TMEM9: variants seen among roughly 807,000 people sequenced by gnomAD.
The protein encoded by TMEM9 is proton-transporting V-type ATPase complex assembly regulator TMEM9.
In TMEM9, 13 loss-of-function variants were observed where a neutral mutation model predicts 22.8. The ratio of observed to expected loss-of-function variants is 0.57; its 90% confidence interval spans 0.37 to 0.91. TMEM9 has a LOEUF of 0.91. Among genes scored for constraint, TMEM9 ranks in the 40% least tolerant of loss-of-function variants. The probability of loss-of-function intolerance (pLI) is 0.01; values close to 1 mark genes in which losing one functional copy is unlikely to be tolerated. For synonymous variants in TMEM9, 88 were observed against 93.0 expected (o/e 0.95, Z 0.31); for missense variants, 182 against 238.1 (o/e 0.76, Z 1.55).
At chr1:201,147,943 C>T (rs1665115047) in intron 2 of TMEM9, among the ~76,000 whole-genome samples, 1 of 152,214 alleles carries the variant, frequency 6.6e-6, no homozygotes, top group African/African-American at 2.4e-5. Flanking sequence ...TCCCCCCAAC[C>T]CCCCGCCAAT....
chr1:201,157,499 G>T (rs937945972), upstream of TMEM9, among the ~76,000 whole-genome samples: 4 of 152,196 alleles, frequency 2.6e-5, no homozygotes, highest in Non-Finnish European at 5.9e-5. Flanking sequence ...GAAAAGAAAT[G>T]ATTTCTAGGG....
Position 201,151,808 on chromosome 1 carries a change from T to C in TMEM9, c.111A>G (p.Arg37=). 1 of 1,613,962 alleles carries C rather than the reference T, an allele frequency of 6.2e-7. No homozygotes were observed. The highest frequency in any genetic ancestry group is 8.5e-7 in the Non-Finnish European group (1 of 1,180,028). ...IRCKCICPPY[R]NISGHIYNQN... ...GGTTGTAAATGTGCCCACTGATGTTTCTATAAGGTGGACAGATGCATTTGC... is the reference window on the plus strand; with the variant it reads ...GGTTGTAAATGTGCCCACTGATGTTCCTATAAGGTGGACAGATGCATTTGC... Residue 37 remains arginine (R), a synonymous_variant, in exon 2 of 5, where the codon AGA becomes AGG. Transcript: ENST00000367330.
At chr1:201,168,757 G>C (rs1382533356) in intron 1 of TMEM9, among the ~76,000 whole-genome samples, 1 of 151,108 alleles carries the variant, frequency 6.6e-6, no homozygotes, top group East Asian at 1.9e-4. Context: ...TTGTGTCCTG[G>C]TAAACAATCC....
chr1:201,161,189 A>G (rs759474712), intron 1 of TMEM9, among the ~76,000 whole-genome samples: 11 of 152,204 alleles, frequency 7.2e-5, no homozygotes, highest in Non-Finnish European at 1.3e-4. Flanking sequence ...AATAGAAAAC[A>G]GGTGCATTTT....
chr1:201,137,283 C>T (rs1218824823), intron 4 of TMEM9, among the ~76,000 whole-genome samples: 3 of 152,190 alleles, frequency 2.0e-5, no homozygotes, highest in African/African-American at 4.8e-5. Flanking sequence ...CCTAGGCTCG[C>T]GTCCCAGGTG....
At chr1:201,139,922 T>G (rs905993908) in intron 4 of TMEM9, among the ~76,000 whole-genome samples, 4 of 152,228 alleles carry the variant, frequency 2.6e-5, no homozygotes, top group Non-Finnish European at 4.4e-5. Flanking sequence ...GCTGCCCCAC[T>G]GGAGGCTCTA....
chr1:201,148,387 C>T (rs1325508291), intron 2 of TMEM9, among the ~76,000 whole-genome samples: 1 of 152,072 alleles, frequency 6.6e-6, no homozygotes, highest in Non-Finnish European at 1.5e-5. Context: ...ACCACACTGA[C>T]AAAGCAAAAA....
At chr1:201,136,392 A>T (rs1421376312) in intron 4 of TMEM9, among the ~76,000 whole-genome samples, 1 of 152,150 alleles carries the variant, frequency 6.6e-6, no homozygotes, top group Non-Finnish European at 1.5e-5. Context: ...AGATGGCAAC[A>T]CATCTGCTCC....
rs924359491 is a variant in TMEM9, at chr1:201,153,716, G to A, written c.66+142C>T. The A allele has an allele frequency of 2.6e-6, 4 of 1,548,242 alleles. No individual in the cohort carries two copies. In the East Asian group the frequency reaches 7.3e-5, roughly 28 times the overall value. ...GGAGGCCAGCAGCCTTGAACCTGAAGGAAGACCACTAAAAGAAGTATGGCC... is the reference window on the plus strand; with the variant it reads ...GGAGGCCAGCAGCCTTGAACCTGAAAGAAGACCACTAAAAGAAGTATGGCC... On this transcript the variant is annotated intron_variant, in intron 1 of 4. Transcript: ENST00000367330.
At chr1:201,151,296 C>T (rs1311375799) in intron 2 of TMEM9, among the ~76,000 whole-genome samples, 1 of 152,202 alleles carries the variant, frequency 6.6e-6, no homozygotes, top group Non-Finnish European at 1.5e-5. Context: ...ATGAATTCAA[C>T]ACTCTAAATT....
At chr1:201,165,692 C>A (rs1385689260) in intron 1 of TMEM9, among the ~76,000 whole-genome samples, 1 of 152,188 alleles carries the variant, frequency 6.6e-6, no homozygotes, top group Non-Finnish European at 1.5e-5. Context: ...AGCTCGGCCT[C>A]CCAAAGTGCT....
At chr1:201,164,306 G>A (rs1666019404) in intron 1 of TMEM9, among the ~76,000 whole-genome samples, 3 of 152,128 alleles carry the variant, frequency 2.0e-5, no homozygotes, top group East Asian at 1.9e-4. Flanking sequence ...TCTTGATTAT[G>A]GAAACGTTAA....
In TMEM9 at chr1:201,151,778, A is replaced by G. The variant is rs1207710757; in HGVS notation, c.141T>C (p.Asn47=). The part of the protein sequence containing the change: ...RNISGHIYNQ[N]VSQKDCNCLH... Reference sequence around the variant, plus strand: ...TGCCTTACCAGTCCTTCTGGGATACATTCTGGTTGTAAATGTGCCCACTGA... The same window carrying G: ...TGCCTTACCAGTCCTTCTGGGATACGTTCTGGTTGTAAATGTGCCCACTGA... Residue 47 remains asparagine, a synonymous_variant, in exon 2 of 5, where the codon AAT becomes AAC. Coordinates refer to ENST00000367330, the MANE Select transcript of TMEM9 (RefSeq NM_001288565.2). 1 of 1,613,780 alleles carries G rather than the reference A, an allele frequency of 6.2e-7. No homozygotes were observed. Among genetic ancestry groups the G allele is most frequent in the Non-Finnish European group, 8.5e-7 (1 of 1,179,874 alleles).
intron 2 of TMEM9, among the ~76,000 whole-genome samples, chr1:201,149,516 C>A (rs765909825): frequency 2.0e-5 from 3 of 152,184 alleles, no homozygotes; most frequent in Admixed American, 2.0e-4. Flanking sequence ...CATCTCCTTG[C>A]CGGACCCACC....
chr1:201,152,997 T>C (rs1041871698), intron 1 of TMEM9, among the ~76,000 whole-genome samples: 1 of 152,222 alleles, frequency 6.6e-6, no homozygotes. Context: ...GAGGACCCAC[T>C]TTCTGGTCCC....
intron 4 of TMEM9, among the ~76,000 whole-genome samples, chr1:201,139,046 G>C (rs978030192): frequency 9.9e-5 from 15 of 152,228 alleles, no homozygotes; most frequent in African/African-American, 3.6e-4. Flanking sequence ...AAGTAACTGT[G>C]TGGATAAGCC....
upstream of TMEM9, among the ~76,000 whole-genome samples, chr1:201,154,861 C>G (rs2102286522): frequency 6.6e-6 from 1 of 152,214 alleles, no homozygotes; most frequent in Middle Eastern, 3.4e-3. Context: ...ATTTAGGGAT[C>G]CACGTCTTTG....
chr1:201,147,654 C>G (rs1665086402), intron 2 of TMEM9, among the ~76,000 whole-genome samples: 1 of 152,184 alleles, frequency 6.6e-6, no homozygotes, highest in East Asian at 1.9e-4. Flanking sequence ...TTCCAGAATG[C>G]AACTCTGGTC....
intron 1 of TMEM9, among the ~76,000 whole-genome samples, chr1:201,165,650 T>C (rs2102296031): frequency 6.6e-6 from 1 of 152,280 alleles, no homozygotes; most frequent in South Asian, 2.1e-4. Context: ...TTGGCCAGGC[T>C]GATCTTGAAC....
Sources: allele counts gnomAD v4.1 joint callset (sites outside exome capture counted in the v4.1 genomes callset), GRCh38; gene constraint gnomAD v4.1.1; transcripts MANE v1.5; gene names NCBI Gene and HGNC (gene_info 2026-07-23, HGNC 2026-07-21).